Variants in NDRG4 observed in about 807,000 individuals in gnomAD.
NDRG4 encodes the protein NDRG family member 4, also known as protein NDRG4.
A neutral mutation model predicts 55.8 loss-of-function variants in NDRG4; 38 were observed. The ratio of observed to expected loss-of-function variants is 0.68; its 90% confidence interval spans 0.53 to 0.89. The LOEUF is 0.89. Ranked by LOEUF, NDRG4 falls within the 40% of genes least tolerant of loss-of-function variation. NDRG4 has a pLI of 0.00. For synonymous variants in NDRG4, 190 were observed against 182.7 expected (o/e 1.04, Z -0.32); for missense variants, 455 against 468.6 (o/e 0.97, Z 0.27).
Position 58,510,696 on chromosome 16 carries a change from C to A in NDRG4, c.904+13C>A. The A allele has an allele frequency of 2.0e-6, 3 of 1,535,778 alleles. No homozygotes were observed. Among genetic ancestry groups the A allele is most frequent in the Non-Finnish European group, 2.6e-6 (3 of 1,146,704 alleles). On this transcript the variant is annotated intron_variant, in intron 14 of 14. Coordinates refer to ENST00000570248, the MANE Select transcript of NDRG4 (RefSeq NM_001242835.2). Reference sequence around the variant, plus strand: ...AGTGGAGGAGCAGGTAGCCCCACGGCCCTTCCCCTGATGCATGGACGCCCA... The same window carrying A: ...AGTGGAGGAGCAGGTAGCCCCACGGACCTTCCCCTGATGCATGGACGCCCA...
chr16:58,514,231 G>A (rs1488540707), downstream of NDRG4, among the ~76,000 whole-genome samples: 1 of 152,140 alleles, frequency 6.6e-6, no homozygotes, highest in Admixed American at 6.5e-5. Context: ...CTAAAATACC[G>A]TGTTAGAGGA....
Position 58,512,353 on chromosome 16 carries a change from G to GGAGAGAGCCCATGTGTGGT in NDRG4, c.*779_*797dup. On this transcript the variant is annotated 3_prime_UTR_variant, in exon 15 of 15. Transcript: ENST00000570248. Reference sequence around the variant, plus strand: ...CCTGACTGGGGGTGAGGGAGAAGGAGGAGAGAGCCCATGTGTGGTGTGTGT... The same window carrying GGAGAGAGCCCATGTGTGGT: ...CCTGACTGGGGGTGAGGGAGAAGGAGGAGAGAGCCCATGTGTGGTGAGAGAGCCCATGTGTGGTGTGTGT... The GGAGAGAGCCCATGTGTGGT allele has an allele frequency of 3.1e-6, 1 of 325,718 alleles. No homozygotes were observed. The highest frequency in any genetic ancestry group is 6.0e-6 in the Non-Finnish European group (1 of 166,664). The allele number at this position is 325,718 out of a possible 1,614,324, so 20.2% of individuals were successfully genotyped here. A position where few individuals can be genotyped will look rare whatever the true frequency, so the allele number is the denominator to read the frequency against.
Position 58,504,570 on chromosome 16 carries a change from C to A in NDRG4, c.312-19C>A, listed in dbSNP as rs765598675. ...AATGGCACCCCTAGCCCTAGAGTGA[C>A]CAGCCTGCTCTGCACCAGGTTCAAG... On this transcript the variant is annotated intron_variant, in intron 4 of 14. Transcript: ENST00000570248. The A allele has an allele frequency of 6.2e-7, 1 of 1,614,164 alleles. No individual in the cohort carries two copies. The highest frequency in any genetic ancestry group is 1.7e-5 in the Admixed American group (1 of 60,022).
At chr16:58,514,686 G>A (rs2039061288), downstream of NDRG4, among the ~76,000 whole-genome samples, 1 of 144,802 alleles carries the variant, frequency 6.9e-6, no homozygotes. Context: ...AGGTTGCAGT[G>A]AGCCGAGATC....
intron 5 of NDRG4, chr16:58,506,133 C>CGTGT (rs113481456): frequency 0.035 from 18,597 of 538,432 alleles, 273 homozygotes; most frequent in Middle Eastern, 0.039. Flanking sequence ...GTTGAAAGAG[C>CGTGT]GTGTGTGTGT....
intron 1 of NDRG4, among the ~76,000 whole-genome samples, chr16:58,476,810 T>G (rs758144482): frequency 6.6e-6 from 1 of 152,244 alleles, no homozygotes; most frequent in Non-Finnish European, 1.5e-5. Flanking sequence ...AATTATATTT[T>G]CCTTTTTAAA....
chr16:58,495,763 G>A (rs529590973), upstream of NDRG4, among the ~76,000 whole-genome samples: 39 of 152,306 alleles, frequency 2.6e-4, no homozygotes, highest in African/African-American at 8.4e-4. Flanking sequence ...TCGGTCACGC[G>A]CCACTTCAAG....
At chr16:58,513,643 CCCCTGACTCTGTGACAA>C (rs2039019781), downstream of NDRG4, 1 of 105,078 alleles carries the variant, frequency 9.5e-6, no homozygotes, top group Non-Finnish European at 2.2e-5. Flanking sequence ...GCTCATTTCT[CCCCTGACTCTGTGACAA>C]AATACAGCTC....
At chr16:58,467,991 C>A (rs1163102378) in intron 1 of NDRG4, among the ~76,000 whole-genome samples, 2 of 152,192 alleles carry the variant, frequency 1.3e-5, no homozygotes, top group African/African-American at 4.8e-5. Context: ...ACAGTCCAGG[C>A]CTCTCTGAGC....
intron 1 of NDRG4, among the ~76,000 whole-genome samples, chr16:58,467,915 C>T (rs1263508948): frequency 1.3e-5 from 2 of 152,218 alleles, no homozygotes; most frequent in Non-Finnish European, 2.9e-5. Flanking sequence ...CTTCTCCTCC[C>T]ACTGTGCTCC....
chr16:58,511,927 G>A lies in NDRG4; in HGVS notation c.*351G>A. On this transcript the variant is annotated 3_prime_UTR_variant, in exon 15 of 15. Coordinates refer to ENST00000570248, the MANE Select transcript of NDRG4 (RefSeq NM_001242835.2). ...GGCAGGCATGTTTGGAGATGAGAGAGGCTTCGAGAGGGTGGGTGCTGGGCC... is the reference window on the plus strand; with the variant it reads ...GGCAGGCATGTTTGGAGATGAGAGAAGCTTCGAGAGGGTGGGTGCTGGGCC... The A allele has an allele frequency of 2.2e-6, 1 of 448,500 alleles. No individual in the cohort carries two copies. The highest frequency in any genetic ancestry group is 1.7e-5 in the South Asian group (1 of 58,584). The allele number at this position is 448,500 out of a possible 1,614,324, so 27.8% of individuals were successfully genotyped here.
chr16:58,464,972 GCCTTGGGGCT>G lies in NDRG4; in HGVS notation c.-24+1179_-24+1188del. On this transcript the variant is annotated intron_variant, in intron 1 of 15. Transcript: ENST00000258187. This position sits in a 1 kb window ranked among gnomAD's most constrained non-coding sequence, Gnocchi z 4.8. ...GGACCCTACTGACTGGGGACCCTCAGCCTTGGGGCTCCTCTGGAGAAGTGATCAGTTGCCC... is the reference window on the plus strand; with the variant it reads ...GGACCCTACTGACTGGGGACCCTCAGCCTCTGGAGAAGTGATCAGTTGCCC... 8.3e-7 allele frequency: 1 copy of G among 1,203,232 alleles called. No homozygotes were observed. The highest frequency in any genetic ancestry group is 1.1e-6 in the Non-Finnish European group (1 of 946,540). The allele number at this position is 1,203,232 out of a possible 1,614,324, so 74.5% of individuals were successfully genotyped here.
intron 1 of NDRG4, chr16:58,465,004 G>C (rs538556292): frequency 8.1e-7 from 1 of 1,233,410 alleles, no homozygotes; most frequent in South Asian, 1.4e-5. Context: ...GTGATCAGTT[G>C]CCCTGCTGGA....
At position 58,507,053 on chromosome 16, in the gene NDRG4, CCCAGTGGGGGCCCTTGCACACTG is replaced by C. The variant is rs1354300243; in HGVS notation, c.620+41_620+63del. ...TCAGCAGCCCTGGGACCCAGCACAC[CCCAGTGGGGGCCCTTGCACACTG>C]CCCCCTGAGGGAGGCAGGCAGACAA... On this transcript the variant is annotated intron_variant, in intron 8 of 14. Transcript: ENST00000570248. 5.9e-6 allele frequency: 9 copies of C among 1,527,568 alleles called. No homozygotes were observed. The Middle Eastern group carries it at 6.8e-4, about 116-fold the overall frequency. The allele number at this position is 1,527,568 out of a possible 1,614,324, so 94.6% of individuals were successfully genotyped here.
chr16:58,464,891 T>G lies in NDRG4; in HGVS notation c.-24+1094T>G. On this transcript the variant is annotated intron_variant, in intron 1 of 15. Transcript: ENST00000258187. This position sits in a 1 kb window ranked among gnomAD's most constrained non-coding sequence, Gnocchi z 4.8. Reference sequence around the variant, plus strand: ...GAGCCGTCTTTCTCTGGGGGAGAAGTTTCTTGCTGGGAGTGGAGGCGACGC... The same window carrying G: ...GAGCCGTCTTTCTCTGGGGGAGAAGGTTCTTGCTGGGAGTGGAGGCGACGC... 1 of 1,169,982 alleles carries G rather than the reference T, an allele frequency of 8.5e-7. No homozygotes were observed. The highest frequency in any genetic ancestry group is 1.7e-5 in the South Asian group (1 of 57,858). The allele number at this position is 1,169,982 out of a possible 1,614,324, so 72.5% of individuals were successfully genotyped here.
rs920422586 is a variant in NDRG4, at chr16:58,510,505, C to G, written c.866-140C>G. On this transcript the variant is annotated intron_variant, in intron 13 of 14. Coordinates refer to ENST00000570248, the MANE Select transcript of NDRG4 (RefSeq NM_001242835.2). ...AGTGGGCTTCCAGAAGCCTCTGGCC[C>G]TGCCCCCAGCCTCTCTGTGCCTGTC... The G allele has an allele frequency of 8.3e-6, 6 of 721,542 alleles. No homozygotes were observed. In the East Asian group the frequency reaches 1.4e-4, roughly 16 times the overall value. 44.7% of individuals were successfully genotyped at this position (721,542 alleles called of 1,614,324 possible).
intron 1 of NDRG4, among the ~76,000 whole-genome samples, chr16:58,502,511 C>A (rs1226057855): frequency 1.3e-5 from 2 of 152,190 alleles, no homozygotes; most frequent in Admixed American, 1.3e-4. Flanking sequence ...ACACTGGAGA[C>A]ACAGGCCTGG....
intron 3 of NDRG4, chr16:58,495,032 A>C (rs1219917776): frequency 6.2e-7 from 1 of 1,611,608 alleles, no homozygotes; most frequent in African/African-American, 1.3e-5. Flanking sequence ...CAGACCCCCA[A>C]GATGTGGGAC....
At position 58,505,720 on chromosome 16, in the gene NDRG4, T is replaced by C. The variant is rs1423077009; in HGVS notation, c.373-667T>C. The stretch of plus-strand genomic sequence containing the variant: ...TCATGAGGGCTTCATTTTCTTTTTT[T>C]TTTTTTTTTTTTTTTTTTTGAGATG... On this transcript the variant is annotated intron_variant, in intron 5 of 14. Coordinates refer to ENST00000570248, the MANE Select transcript of NDRG4 (RefSeq NM_001242835.2). Among the ~76,000 whole-genome samples the C allele has an allele frequency of 1.9e-3, 246 of 129,556 alleles. 3 individuals are homozygous for C. Among genetic ancestry groups the C allele is most frequent in the Middle Eastern group, 0.011 (3 of 270 alleles). 85.0% of individuals were successfully genotyped at this position (129,556 alleles called of 152,430 possible).
Sources: allele counts gnomAD v4.1 joint callset (sites outside exome capture counted in the v4.1 genomes callset), GRCh38; gene constraint gnomAD v4.1.1; non-coding constraint Gnocchi (gnomAD v3.1); transcripts MANE v1.5; gene names NCBI Gene and HGNC (gene_info 2026-07-23, HGNC 2026-07-21).